MIDEAS: variants seen among roughly 807,000 people sequenced by gnomAD.
MIDEAS encodes the protein mitotic deacetylase associated SANT domain protein, also known as mitotic deacetylase-associated SANT domain protein.
Under a neutral mutation model 102.7 loss-of-function variants are expected in MIDEAS, and 26 were observed. The observed-to-expected ratio is 0.25, with a 90% confidence interval of 0.19 to 0.35. MIDEAS has a LOEUF of 0.35. Among genes scored for constraint, MIDEAS ranks in the 10% least tolerant of loss-of-function variants. The probability of loss-of-function intolerance (pLI) is 1.00; values close to 1 mark genes in which losing one functional copy is unlikely to be tolerated. For synonymous variants in MIDEAS, 585 were observed against 591.0 expected (o/e 0.99, Z 0.15); for missense variants, 1,231 against 1,435.6 (o/e 0.86, Z 2.30).
At chr14:73,720,273 A>G (rs1185547701) in intron 11 of MIDEAS, among the ~76,000 whole-genome samples, 3 of 120,240 alleles carry the variant, frequency 2.5e-5, no homozygotes, top group Admixed American at 1.1e-4. Context: ...GAGTCTTGCT[A>G]TGTCACCCAG....
At chr14:73,760,583 A>G (rs1209044618), upstream of MIDEAS, among the ~76,000 whole-genome samples, 1 of 152,230 alleles carries the variant, frequency 6.6e-6, no homozygotes, top group Admixed American at 6.5e-5. The surrounding 1 kb of genome is among the most constrained non-coding windows in gnomAD (Gnocchi z 4.8). Flanking sequence ...CTGCCAGGAA[A>G]GTGTGTGTGT....
intron 1 of MIDEAS, among the ~76,000 whole-genome samples, chr14:73,773,902 G>A (rs1272885644): frequency 1.3e-5 from 2 of 151,132 alleles, no homozygotes; most frequent in African/African-American, 4.9e-5. Flanking sequence ...GGCGCCTGTA[G>A]TCCCAGCTAC....
chr14:73,751,286 TTCC>T (rs986790492), intron 1 of MIDEAS, among the ~76,000 whole-genome samples: 8 of 152,344 alleles, frequency 5.3e-5, no homozygotes, highest in African/African-American at 1.9e-4. Flanking sequence ...TTCTGCAAAC[TTCC>T]TCCCCCAAGA....
chr14:73,722,721 C>T lies in MIDEAS; in HGVS notation c.2701G>A (p.Glu901Lys), dbSNP rs1329750008. The T allele has an allele frequency of 1.2e-6, 2 of 1,614,122 alleles. No individual in the cohort carries two copies. Among genetic ancestry groups the T allele is most frequent in the East Asian group, 2.2e-5 (1 of 44,882 alleles). The change falls in exon 10 of 13, where the codon GAA becomes AAA. Residue 901 changes from glutamate to lysine, a missense_variant. By Grantham distance (56) the Glu-to-Lys change is moderately conservative (BLOSUM62 1). Coordinates refer to ENST00000423556, the MANE Select transcript of MIDEAS (RefSeq NM_001367710.1). Reference protein sequence around the residue: ...VDTSDEKSAQEEVEVDIKTSQ... With the variant: ...VDTSDEKSAQKEVEVDIKTSQ... Reference sequence around the variant, plus strand: ...ACCTTAATATCCACTTCAACCTCTTCCTGGGCCGACTTCTCATCGCTCGTA... The same window carrying T: ...ACCTTAATATCCACTTCAACCTCTTTCTGGGCCGACTTCTCATCGCTCGTA...
At chr14:73,765,826 G>C (rs768377567) in intron 1 of MIDEAS, among the ~76,000 whole-genome samples, 5 of 152,170 alleles carry the variant, frequency 3.3e-5, no homozygotes, top group Non-Finnish European at 4.4e-5. Context: ...CCTCCAAGTA[G>C]AGGAAGGACA....
chr14:73,730,822 G>A (rs967489318), intron 3 of MIDEAS, among the ~76,000 whole-genome samples: 4 of 152,200 alleles, frequency 2.6e-5, no homozygotes, highest in African/African-American at 9.7e-5. Flanking sequence ...GCCGGGCATG[G>A]TGGCGGGTGC....
At chr14:73,753,188 G>A (rs372119409) in intron 1 of MIDEAS, among the ~76,000 whole-genome samples, 6 of 152,332 alleles carry the variant, frequency 3.9e-5, no homozygotes, top group African/African-American at 1.2e-4. Flanking sequence ...AGGGCCTCAG[G>A]GCTCAAGGCT....
At chr14:73,723,895 T>C (rs1380975177) in intron 9 of MIDEAS, 1 of 152,146 alleles carries the variant, frequency 6.6e-6, no homozygotes, top group African/African-American at 2.4e-5. Flanking sequence ...GAAGTGAGCA[T>C]ACAGAAATGT....
At chr14:73,760,392 A>C (rs1417751161), upstream of MIDEAS, 3 of 152,228 alleles carry the variant, frequency 2.0e-5, no homozygotes, top group African/African-American at 7.2e-5. This position sits in a 1 kb window ranked among gnomAD's most constrained non-coding sequence, Gnocchi z 4.8. Context: ...CTTAAACCTC[A>C]GGCGGCGGCC....
At chr14:73,771,863 C>CAGGA (rs2053645325) in intron 1 of MIDEAS, among the ~76,000 whole-genome samples, 1 of 152,266 alleles carries the variant, frequency 6.6e-6, no homozygotes, top group African/African-American at 2.4e-5. Flanking sequence ...GAAAAGGCTG[C>CAGGA]AGGAGGTCAA....
chr14:73,768,635 C>T (rs879634696), intron 1 of MIDEAS, among the ~76,000 whole-genome samples: 12 of 151,834 alleles, frequency 7.9e-5, no homozygotes, highest in Non-Finnish European at 1.8e-4. Context: ...CAGGTGTGCA[C>T]CACCACGCCT....
intron 1 of MIDEAS, among the ~76,000 whole-genome samples, chr14:73,749,120 T>C (rs2053390095): frequency 6.6e-6 from 1 of 152,118 alleles, no homozygotes; most frequent in Non-Finnish European, 1.5e-5. Context: ...TATAAACCAA[T>C]TAGACCTGGA....
chr14:73,748,768 CAAAAAA>C (rs55972902), intron 1 of MIDEAS, among the ~76,000 whole-genome samples: 1 of 124,604 alleles, frequency 8.0e-6, no homozygotes, highest in African/African-American at 3.1e-5. Flanking sequence ...GACTCCGTCT[CAAAAAA>C]AAAAAAAAAA....
chr14:73,758,944 C>T (rs1188364984), intron 1 of MIDEAS: 2 of 152,524 alleles, frequency 1.3e-5, no homozygotes, highest in Admixed American at 6.5e-5. Flanking sequence ...GGCGACGTGA[C>T]CAGCTCCACC....
At chr14:73,787,210 C>A (rs1398090132) in exon 1 of MIDEAS, 1 of 149,310 alleles carries the variant, frequency 6.7e-6, no homozygotes, top group Non-Finnish European at 1.5e-5. Flanking sequence ...CACTTCCTCG[C>A]GGAGCGGGCG....
In MIDEAS at chr14:73,740,847, G is replaced by C. The variant is rs187843114; in HGVS notation, c.-247-592C>G. Among the ~76,000 whole-genome samples the C allele has an allele frequency of 3.8e-3, 572 of 152,360 alleles. 4 individuals are homozygous for C. Among genetic ancestry groups the C allele is most frequent in the African/African-American group, 0.013 (543 of 41,588 alleles). ...TTCCCGACGTGGCCACTCCTCCTGT[G>C]CAGCCCCAGAGTCAGGAGCTCCAAC... is the stretch of plus-strand genomic sequence containing the variant. On this transcript the variant is annotated intron_variant, in intron 1 of 12. Transcript: ENST00000423556.
At chr14:73,773,509 C>A (rs142209634) in intron 1 of MIDEAS, among the ~76,000 whole-genome samples, 7 of 151,966 alleles carry the variant, frequency 4.6e-5, no homozygotes, top group African/African-American at 1.7e-4. Context: ...CCACTCCCTC[C>A]ACCACTCAGG....
rs2053292489 is a variant in MIDEAS, at chr14:73,742,279, C to G, written c.-247-2024G>C. Among the ~76,000 whole-genome samples the G allele has an allele frequency of 6.6e-6, 1 of 152,258 alleles. No homozygotes were observed. The highest frequency in any genetic ancestry group is 6.5e-5 in the Admixed American group (1 of 15,292). On this transcript the variant is annotated intron_variant, in intron 1 of 12. Coordinates refer to ENST00000423556, the MANE Select transcript of MIDEAS (RefSeq NM_001367710.1). The surrounding 1 kb of genome is among the most constrained non-coding windows in gnomAD (Gnocchi z 4.4). ...CACACACTCACGCCTCCCTTCATCA[C>G]AGCCCTGTCTCCTTGTGAGCCACAG...
rs1349707927 is a variant in MIDEAS, at chr14:73,760,171, A to C, written c.-656T>G. 4.0e-5 allele frequency: 6 copies of C among 151,314 alleles called. No individual in the cohort carries two copies. In the East Asian group the frequency reaches 1.2e-3, roughly 30 times the overall value. The allele number at this position is 151,314 out of a possible 1,614,324, so 9.4% of individuals were successfully genotyped here. A position where few individuals can be genotyped will look rare whatever the true frequency, so the allele number is the denominator to read the frequency against. On this transcript the variant is annotated 5_prime_UTR_variant, in exon 1 of 13. Transcript: ENST00000423556. This position sits in a 1 kb window ranked among gnomAD's most constrained non-coding sequence, Gnocchi z 4.8. Reference sequence around the variant, plus strand: ...AAAAAGAGAGAGGGCGAGAGGCAACAGCGGAGGAGGAGGACTCTGGCGTGC... The same window carrying C: ...AAAAAGAGAGAGGGCGAGAGGCAACCGCGGAGGAGGAGGACTCTGGCGTGC...
Sources: gnomAD v4.1 joint callset for allele counts (sites outside exome capture counted in the v4.1 genomes callset) on GRCh38, gnomAD v4.1.1 for gene constraint, Gnocchi (gnomAD v3.1) non-coding constraint, MANE v1.5 for transcripts, NCBI Gene and HGNC (gene_info 2026-07-23, HGNC 2026-07-21) for gene names.